The following TTC28 variants were observed in gnomAD, a reference collection of about 807,000 sequenced individuals.
TTC28 encodes tetratricopeptide repeat protein 28.
Under a neutral mutation model 198.0 loss-of-function variants are expected in TTC28, and 61 were observed. The ratio of observed to expected loss-of-function variants is 0.31; its 90% CI spans 0.25 to 0.38. The LOEUF (loss-of-function observed/expected upper bound fraction) is 0.38. Ranked by LOEUF, TTC28 falls within the 10% of genes least tolerant of loss-of-function variation. The pLI is 1.00. For missense variants in TTC28, 2,678 were observed against 3,164.0 expected (o/e 0.85, Z 3.69); for synonymous variants, 1,171 against 1,297.8 (o/e 0.90, Z 2.10).
intron 2 of TTC28, among the ~76,000 whole-genome samples, chr22:28,618,526 A>G (rs911547817): frequency 6.6e-6 from 1 of 151,876 alleles, no homozygotes; most frequent in African/African-American, 2.4e-5. Context: ...TACTAAAAAT[A>G]TAAAAATTAG....
intron 2 of TTC28, among the ~76,000 whole-genome samples, chr22:28,574,033 AAC>A (rs2050104414): frequency 6.6e-6 from 1 of 152,002 alleles, no homozygotes; most frequent in Non-Finnish European, 1.5e-5. Flanking sequence ...TCTCTTTTTT[AAC>A]AGAGTCCCAC....
In TTC28 at chr22:28,623,233, T is replaced by G. The variant is rs373797851; in HGVS notation, c.381+6319A>C. On this transcript the variant is annotated intron_variant, in intron 2 of 22. Coordinates refer to ENST00000397906, the MANE Select transcript of TTC28 (RefSeq NM_001145418.2). ...TTCCAAGGAGCTGGGACTACAGGCATGCACCACCACACCCAGGTCAGACAA... is the reference window on the plus strand; with the variant it reads ...TTCCAAGGAGCTGGGACTACAGGCAGGCACCACCACACCCAGGTCAGACAA... Among the ~76,000 whole-genome samples, 9 of 152,166 alleles carry G rather than the reference T, an allele frequency of 5.9e-5. No homozygotes were observed. The East Asian group carries it at 1.7e-3, about 29-fold the overall frequency.
At chr22:28,098,063 G>A (rs1269679508) in intron 10 of TTC28, among the ~76,000 whole-genome samples, 1 of 152,178 alleles carries the variant, frequency 6.6e-6, no homozygotes, top group Non-Finnish European at 1.5e-5. Flanking sequence ...AATATCTCCT[G>A]GGAAGAGGCA....
intron 5 of TTC28, among the ~76,000 whole-genome samples, chr22:28,239,353 A>G (rs1314236359): frequency 6.6e-6 from 1 of 152,144 alleles, no homozygotes; most frequent in African/African-American, 2.4e-5. Context: ...TGGAAATATA[A>G]AACTGGAAAG....
chr22:28,607,268 G>A (rs2050750775), intron 2 of TTC28, among the ~76,000 whole-genome samples: 1 of 152,036 alleles, frequency 6.6e-6, no homozygotes, highest in Admixed American at 6.6e-5. Flanking sequence ...TGTAAAACTT[G>A]GGTTAAATAC....
In TTC28 at chr22:28,504,330, G is replaced by A. The variant is rs143422633; in HGVS notation, c.381+125222C>T. ...AATTTTGAGTTATATAGTTTTCCTAGGTATTCCTATACTAGCCTATATAGC... is the reference window on the plus strand; with the variant it reads ...AATTTTGAGTTATATAGTTTTCCTAAGTATTCCTATACTAGCCTATATAGC... On this transcript the variant is annotated intron_variant, in intron 2 of 22. Coordinates refer to ENST00000397906, the MANE Select transcript of TTC28 (RefSeq NM_001145418.2). Among the ~76,000 whole-genome samples, 1,059 of 152,054 alleles carry A rather than the reference G, an allele frequency of 7.0e-3. 11 individuals are homozygous for A. The highest frequency in any genetic ancestry group is 0.025 in the African/African-American group (1,022 of 41,478).
intron 6 of TTC28, among the ~76,000 whole-genome samples, chr22:28,153,431 GTTTT>G (rs1158407620): frequency 8.5e-6 from 1 of 117,854 alleles, no homozygotes; most frequent in East Asian, 2.7e-4. Flanking sequence ...TTCGTTTTTT[GTTTT>G]TTGTTTTTTT....
In TTC28 at chr22:28,547,625, C is replaced by T. The variant is rs147817180; in HGVS notation, c.381+81927G>A. Among the ~76,000 whole-genome samples the T allele has an allele frequency of 1.2e-4, 19 of 152,144 alleles. No individual in the cohort carries two copies. The East Asian group carries it at 3.7e-3, about 29-fold the overall frequency. ...ACTGCAATCAAATCCAAGAAGCTGT[C>T]ATTTTTTATTTAACATCCATGGGCT... On this transcript the variant is annotated intron_variant, in intron 2 of 22. Transcript: ENST00000397906.
At chr22:28,624,795 A>T (rs1262332923) in intron 2 of TTC28, among the ~76,000 whole-genome samples, 1 of 152,204 alleles carries the variant, frequency 6.6e-6, no homozygotes, top group African/African-American at 2.4e-5. Flanking sequence ...AGAAAAAAAA[A>T]GGCTACAGAT....
At chr22:28,591,056 T>TAG (rs1324974420) in intron 2 of TTC28, among the ~76,000 whole-genome samples, 2 of 115,456 alleles carry the variant, frequency 1.7e-5, no homozygotes, top group African/African-American at 8.3e-5. Context: ...TATATATATA[T>TAG]ATATATATAT....
chr22:28,481,547 G>C (rs2048246872), intron 2 of TTC28, among the ~76,000 whole-genome samples: 1 of 152,084 alleles, frequency 6.6e-6, no homozygotes, highest in Non-Finnish European at 1.5e-5. Flanking sequence ...TCTAGATTCT[G>C]ATTAACAAAA....
At chr22:28,092,070 G>T (rs1180625221) in intron 12 of TTC28, among the ~76,000 whole-genome samples, 1 of 152,174 alleles carries the variant, frequency 6.6e-6, no homozygotes, top group Admixed American at 6.5e-5. Flanking sequence ...GCCTTCCCTT[G>T]TTCAGGTCCC....
At chr22:28,162,597 G>T (rs1370800006) in intron 6 of TTC28, among the ~76,000 whole-genome samples, 1 of 152,138 alleles carries the variant, frequency 6.6e-6, no homozygotes, top group Non-Finnish European at 1.5e-5. Context: ...AATCCTTACA[G>T]CACCACGATG....
At chr22:28,634,899 A>G (rs1012937030) in intron 1 of TTC28, among the ~76,000 whole-genome samples, 5 of 152,076 alleles carry the variant, frequency 3.3e-5, no homozygotes. Flanking sequence ...GTCCTTTTCT[A>G]TCTTATCTGC....
At chr22:28,217,397 G>T (rs1927492466) in intron 5 of TTC28, among the ~76,000 whole-genome samples, 1 of 152,228 alleles carries the variant, frequency 6.6e-6, no homozygotes, top group African/African-American at 2.4e-5. Context: ...CATCAGTTCA[G>T]CCAAGTCACA....
chr22:28,413,630 A>C (rs1453476710), intron 2 of TTC28, among the ~76,000 whole-genome samples: 2 of 152,202 alleles, frequency 1.3e-5, no homozygotes, highest in African/African-American at 4.8e-5. Context: ...AACATAACTT[A>C]TTTTAAATTT....
intron 2 of TTC28, among the ~76,000 whole-genome samples, chr22:28,533,578 C>A (rs995881523): frequency 1.3e-5 from 2 of 152,282 alleles, no homozygotes; most frequent in Non-Finnish European, 2.9e-5. Context: ...TCATATGGAA[C>A]CAAAACAGAG....
chr22:28,361,419 T>G (rs1388476567), intron 2 of TTC28, among the ~76,000 whole-genome samples: 1 of 152,158 alleles, frequency 6.6e-6, no homozygotes, highest in Non-Finnish European at 1.5e-5. Flanking sequence ...CAACATTCCC[T>G]TAAGCCAAAG....
intron 12 of TTC28, among the ~76,000 whole-genome samples, chr22:28,042,281 G>C (rs745580301): frequency 1.3e-5 from 2 of 152,070 alleles, no homozygotes; most frequent in South Asian, 4.1e-4. Flanking sequence ...ACATGCACAC[G>C]TATTTTTATT....
Sources: allele counts gnomAD v4.1 joint callset (sites outside exome capture counted in the v4.1 genomes callset), GRCh38; gene constraint gnomAD v4.1.1; transcripts MANE v1.5; gene names NCBI Gene and HGNC (gene_info 2026-07-23, HGNC 2026-07-21).